BMPR1B: variants seen among roughly 807,000 people sequenced by gnomAD.
BMPR1B encodes the protein bone morphogenetic protein receptor type 1B.
In BMPR1B, 12 loss-of-function variants were observed where a neutral mutation model predicts 59.1. The ratio of observed to expected loss-of-function variants is 0.20; its 90% CI spans 0.13 to 0.33. The LOEUF (loss-of-function observed/expected upper bound fraction) is 0.33. Among genes scored for constraint, BMPR1B ranks in the 10% least tolerant of loss-of-function variants. BMPR1B has a pLI of 1.00. For synonymous variants in BMPR1B, 237 were observed against 207.3 expected, an observed-to-expected ratio of 1.14 and a Z score of -1.23; for missense variants, 550 against 610.9, an observed-to-expected ratio of 0.90 and a Z score of 1.05.
At chr4:94,869,756 G>A (rs568711375) in intron 1 of BMPR1B, among the ~76,000 whole-genome samples, 1 of 152,214 alleles carries the variant, frequency 6.6e-6, no homozygotes, top group Non-Finnish European at 1.5e-5. Context: ...GATCATGTAA[G>A]CATTTCTTTT....
At chr4:94,799,750 G>A (rs1723335113) in intron 1 of BMPR1B, among the ~76,000 whole-genome samples, 1 of 151,838 alleles carries the variant, frequency 6.6e-6, no homozygotes, top group Non-Finnish European at 1.5e-5. Context: ...GAGTGCAGTG[G>A]CGCAATTTCG....
chr4:94,787,331 A>G (rs1722799740), intron 1 of BMPR1B, among the ~76,000 whole-genome samples: 1 of 152,144 alleles, frequency 6.6e-6, no homozygotes, highest in Non-Finnish European at 1.5e-5. Context: ...CTACTGAAAC[A>G]TGGCACCTTG....
chr4:94,977,582 G>A (rs1035577062), intron 2 of BMPR1B, among the ~76,000 whole-genome samples: 2 of 151,818 alleles, frequency 1.3e-5, no homozygotes, highest in African/African-American at 4.8e-5. Flanking sequence ...AAAATGGCCA[G>A]GCACAGTGGC....
chr4:94,776,069 C>T (rs565010412), intron 1 of BMPR1B, among the ~76,000 whole-genome samples: 5 of 137,736 alleles, frequency 3.6e-5, no homozygotes, highest in Non-Finnish European at 7.6e-5. Context: ...CTAGCCTGGG[C>T]GACAGAGCAA....
intron 4 of BMPR1B, among the ~76,000 whole-genome samples, chr4:95,110,006 G>C (rs1346800594): frequency 6.6e-6 from 1 of 151,618 alleles, no homozygotes; most frequent in Non-Finnish European, 1.5e-5. Context: ...CTTTTATAAG[G>C]AATAACTCTC....
At chr4:94,994,695 CTT>C (rs34949480) in intron 2 of BMPR1B, among the ~76,000 whole-genome samples, 30 of 146,286 alleles carry the variant, frequency 2.1e-4, no homozygotes, top group South Asian at 4.3e-4. Context: ...TTATGTGTAA[CTT>C]TTTTTTTTTT....
chr4:95,076,526 G>C (rs934866276), intron 3 of BMPR1B, among the ~76,000 whole-genome samples: 1 of 152,004 alleles, frequency 6.6e-6, no homozygotes, highest in African/African-American at 2.4e-5. Context: ...GAGGCAAACT[G>C]TTCTAGGTAC....
At chr4:94,920,107 A>G (rs1278697637) in intron 2 of BMPR1B, among the ~76,000 whole-genome samples, 1 of 152,172 alleles carries the variant, frequency 6.6e-6, no homozygotes, top group Non-Finnish European at 1.5e-5. Flanking sequence ...ATATTTAAAA[A>G]TGGATATGGT....
intron 9 of BMPR1B, among the ~76,000 whole-genome samples, chr4:95,130,534 T>C (rs1379050343): frequency 1.3e-5 from 2 of 152,030 alleles, no homozygotes; most frequent in Non-Finnish European, 2.9e-5. Flanking sequence ...AATTCAAGAA[T>C]TCAAGACCCT....
At chr4:95,061,159 A>AC (rs1727331941) in intron 3 of BMPR1B, among the ~76,000 whole-genome samples, 2 of 93,884 alleles carry the variant, frequency 2.1e-5, no homozygotes, top group Non-Finnish European at 2.0e-5. Flanking sequence ...GATTTAGAAT[A>AC]AACACACACA....
chr4:95,133,237 T>A (rs1268180635), intron 10 of BMPR1B, among the ~76,000 whole-genome samples: 1 of 152,216 alleles, frequency 6.6e-6, no homozygotes, highest in Non-Finnish European at 1.5e-5. Flanking sequence ...TTGTCTCTCC[T>A]ATTTCCAGTC....
chr4:94,760,541 T>C (rs1287052426), intron 1 of BMPR1B, among the ~76,000 whole-genome samples: 1 of 152,188 alleles, frequency 6.6e-6, no homozygotes, highest in Non-Finnish European at 1.5e-5. Flanking sequence ...CAAATCGTAT[T>C]TATCATCCAA....
At chr4:94,979,513 A>G (rs564271496) in intron 2 of BMPR1B, among the ~76,000 whole-genome samples, 1 of 152,352 alleles carries the variant, frequency 6.6e-6, no homozygotes, top group South Asian at 2.1e-4. Flanking sequence ...TCAGACATGC[A>G]GAATTTTTAA....
intron 2 of BMPR1B, among the ~76,000 whole-genome samples, chr4:94,897,738 A>G (rs114130115): frequency 0.017 from 2,653 of 152,030 alleles, 44 homozygotes; most frequent in East Asian, 0.083. Flanking sequence ...ACTGTGGCTT[A>G]CTTAGCTCTT....
At chr4:94,777,665 T>C (rs192679820) in intron 1 of BMPR1B, among the ~76,000 whole-genome samples, 3 of 152,300 alleles carry the variant, frequency 2.0e-5, no homozygotes, top group African/African-American at 7.2e-5. Context: ...AAGGCCCTTA[T>C]ATTGTAGCAG....
intron 10 of BMPR1B, 21 bp downstream of exon 10, chr4:95,131,533 A>G: frequency 6.2e-7 from 1 of 1,612,820 alleles, no homozygotes; most frequent in African/African-American, 1.3e-5. Context: ...AAGTGAACAA[A>G]TACATGTTTT....
At chr4:94,964,343 A>T (rs1730475855) in intron 2 of BMPR1B, among the ~76,000 whole-genome samples, 1 of 152,086 alleles carries the variant, frequency 6.6e-6, no homozygotes, top group African/African-American at 2.4e-5. Flanking sequence ...GCTCTGGCCA[A>T]GACTTCCAGT....
At chr4:95,013,818 C>T (rs1455103287) in intron 3 of BMPR1B, among the ~76,000 whole-genome samples, 1 of 152,170 alleles carries the variant, frequency 6.6e-6, no homozygotes, top group East Asian at 1.9e-4. Context: ...GTATGTATCA[C>T]TTTACCTAAT....
chr4:95,015,603 T>C (rs1723529277), intron 3 of BMPR1B, among the ~76,000 whole-genome samples: 1 of 152,026 alleles, frequency 6.6e-6, no homozygotes, highest in Non-Finnish European at 1.5e-5. Context: ...CCCAGGCTGG[T>C]CTCTAGCTCC....
Sources: allele counts gnomAD v4.1 joint callset (sites outside exome capture counted in the v4.1 genomes callset), GRCh38; gene constraint gnomAD v4.1.1; transcripts MANE v1.5; gene names NCBI Gene and HGNC (gene_info 2026-07-23, HGNC 2026-07-21).